The following UPK1B variants were observed in gnomAD, a reference collection of about 807,000 sequenced individuals.
UPK1B encodes uroplakin-1b.
In UPK1B, 28 loss-of-function variants were observed where a neutral mutation model predicts 34.2. The observed-to-expected ratio is 0.82, with a 90% CI of 0.61 to 1.12. The LOEUF (loss-of-function observed/expected upper bound fraction) is 1.12, where lower values mean the gene tolerates loss of function less well. Ranked by LOEUF, UPK1B falls within the 50% of genes most tolerant of loss-of-function variation. The pLI is 0.00. For missense variants in UPK1B, 325 were observed against 320.9 expected, an observed-to-expected ratio of 1.01 and a Z score of -0.10; for synonymous variants, 81 against 110.4, an observed-to-expected ratio of 0.73 and a Z score of 1.67.
At chr3:119,203,390 G>A (rs1025085794) in intron 7 of UPK1B, among the ~76,000 whole-genome samples, 1 of 145,156 alleles carries the variant, frequency 6.9e-6, no homozygotes, top group African/African-American at 2.5e-5. Flanking sequence ...ACAAAGACAT[G>A]GAACCAACCC....
At chr3:119,202,395 C>T (rs1039021640) in intron 7 of UPK1B, among the ~76,000 whole-genome samples, 22 of 152,282 alleles carry the variant, frequency 1.4e-4, no homozygotes, top group African/African-American at 4.3e-4. Flanking sequence ...TCTGTGCCTC[C>T]GTTTCTCCAT....
intron 5 of UPK1B, among the ~76,000 whole-genome samples, chr3:119,193,997 C>A (rs1416819285): frequency 1.3e-5 from 2 of 152,102 alleles, no homozygotes; most frequent in African/African-American, 4.8e-5. Flanking sequence ...CTACAGGGTT[C>A]ACTAATGACT....
intron 1 of UPK1B, among the ~76,000 whole-genome samples, chr3:119,180,437 T>C (rs1293221598): frequency 6.6e-6 from 1 of 152,158 alleles, no homozygotes; most frequent in Non-Finnish European, 1.5e-5. Flanking sequence ...CCAAACACCA[T>C]ATCCCAGCCA....
chr3:119,186,599 T>A lies in UPK1B; in HGVS notation c.-28-115T>A, dbSNP rs988788106. The A allele has an allele frequency of 2.1e-5, 15 of 720,774 alleles. No homozygotes were observed. The East Asian group carries it at 3.7e-4, about 18-fold the overall frequency. 44.6% of individuals were successfully genotyped at this position (720,774 alleles called of 1,614,324 possible). On this transcript the variant is annotated intron_variant, in intron 1 of 7. Transcript: ENST00000264234. ...TCAATAATCAAATGTCCTTCATCGC[T>A]AAAAGATTATATGGCTTTGGTTTGG...
At chr3:119,190,755 C>A (rs1043233148) in intron 4 of UPK1B, among the ~76,000 whole-genome samples, 2 of 152,328 alleles carry the variant, frequency 1.3e-5, no homozygotes, top group South Asian at 2.1e-4. Context: ...AGCCACCCTA[C>A]AGTATGTGTT....
rs773308659 is a variant in UPK1B, at chr3:119,194,312, C to T, written c.562C>T (p.Arg188Cys). ...ENNDADYPWPRQCCVMNNLKE... is the reference protein window; with the variant it reads ...ENNDADYPWPCQCCVMNNLKE... ...TAATGATGCTGACTATCCCTGGCCT[C>T]GTCAATGCTGTGTTATGAACAATCT... The change falls in exon 6 of 8, where the codon CGT (arginine) becomes TGT (cysteine). Residue 188 changes from arginine to cysteine, a missense_variant. Arg to Cys is a radical substitution (Grantham distance 180). Transcript: ENST00000264234. 4.3e-6 allele frequency: 7 copies of T among 1,614,046 alleles called. No individual in the cohort carries two copies. The highest frequency in any genetic ancestry group is 2.2e-5 in the South Asian group (2 of 91,078).
intron 6 of UPK1B, among the ~76,000 whole-genome samples, chr3:119,194,985 A>T (rs1390830028): frequency 1.3e-5 from 2 of 152,244 alleles, no homozygotes; most frequent in Admixed American, 1.3e-4. Flanking sequence ...TGTACTTACT[A>T]AATGCCAAAC....
rs1576872781 is a variant in UPK1B at position 119,199,156 on chromosome 3, C to T, written c.732+16C>T. 1 of 1,613,656 alleles carries T rather than the reference C, an allele frequency of 6.2e-7. No individual in the cohort carries two copies. ...CTGCTGGACTGTGAGTATTTCCCAG[C>T]ACATATTTTATCTGAGAGGATGATC... On this transcript the variant is annotated intron_variant, in intron 7 of 7. Coordinates refer to ENST00000264234, the MANE Select transcript of UPK1B (RefSeq NM_006952.4).
intron 7 of UPK1B, among the ~76,000 whole-genome samples, chr3:119,203,002 T>A (rs1214748944): frequency 6.6e-6 from 1 of 152,112 alleles, no homozygotes; most frequent in Non-Finnish European, 1.5e-5. Context: ...GGATTTGGTG[T>A]CACATCTGGC....
intron 1 of UPK1B, among the ~76,000 whole-genome samples, chr3:119,179,954 AC>A (rs1380406398): frequency 6.8e-6 from 1 of 148,040 alleles, no homozygotes; most frequent in East Asian, 2.0e-4. Context: ...ATGCGCCACC[AC>A]CCCCAGCTAA....
At chr3:119,185,063 A>C (rs1378741353) in intron 1 of UPK1B, among the ~76,000 whole-genome samples, 2 of 152,230 alleles carry the variant, frequency 1.3e-5, no homozygotes, top group Non-Finnish European at 2.9e-5. Context: ...AATGAATGAA[A>C]TTTCTAAGCA....
intron 1 of UPK1B, among the ~76,000 whole-genome samples, chr3:119,175,012 CTTTTTTTTTTTTTTTTTTTT>C (rs374721069): frequency 5.9e-5 from 4 of 67,482 alleles, no homozygotes; most frequent in Non-Finnish European, 7.9e-5. Flanking sequence ...CTTTTATTTT[CTTTTTTTTTTTTTTTTTTTT>C]TTTTTTTTTT....
At chr3:119,194,194 T>A (rs1445817503) in intron 5 of UPK1B, 25 bp from the exon 6 acceptor site, 2 of 1,610,678 alleles carry the variant, frequency 1.2e-6, no homozygotes, top group Admixed American at 3.4e-5. Context: ...CGAAAGAGAA[T>A]TTTGTATCTC....
At chr3:119,203,231 C>T (rs1399541220) in intron 7 of UPK1B, among the ~76,000 whole-genome samples, 1 of 148,624 alleles carries the variant, frequency 6.7e-6, no homozygotes, top group Non-Finnish European at 1.5e-5. Context: ...GTCCCAGCTA[C>T]ACAGGAGGCT....
chr3:119,187,535 T>A (rs944473491), intron 2 of UPK1B, among the ~76,000 whole-genome samples: 1 of 152,056 alleles, frequency 6.6e-6, no homozygotes, highest in Non-Finnish European at 1.5e-5. Context: ...CCCAAGGACA[T>A]TGTGGATGGT....
intron 1 of UPK1B, among the ~76,000 whole-genome samples, chr3:119,176,806 G>T (rs7643453): frequency 1.3e-5 from 2 of 152,156 alleles, no homozygotes; most frequent in African/African-American, 4.8e-5. Context: ...TTAGAATAAC[G>T]TGGGGAGGGT....
intron 6 of UPK1B, among the ~76,000 whole-genome samples, chr3:119,198,195 G>C (rs1015980838): frequency 6.7e-6 from 1 of 150,286 alleles, no homozygotes; most frequent in Non-Finnish European, 1.5e-5. Context: ...TTGCAAGTAA[G>C]GGGCCCTGAA....
intron 1 of UPK1B, among the ~76,000 whole-genome samples, chr3:119,181,265 A>T (rs575773368): frequency 3.0e-4 from 46 of 152,268 alleles, no homozygotes; most frequent in African/African-American, 1.1e-3. Flanking sequence ...AGAGTTCCCT[A>T]CTGAAATCAT....
intron 6 of UPK1B, among the ~76,000 whole-genome samples, chr3:119,196,419 T>C (rs1318191098): frequency 2.0e-5 from 3 of 152,206 alleles, no homozygotes; most frequent in African/African-American, 7.2e-5. Context: ...CTATGTATTA[T>C]TTGATTCTAC....
Sources: gnomAD v4.1 joint callset for allele counts (sites outside exome capture counted in the v4.1 genomes callset) on GRCh38, gnomAD v4.1.1 for gene constraint, MANE v1.5 for transcripts, NCBI Gene and HGNC (gene_info 2026-07-23, HGNC 2026-07-21) for gene names.